THSD7B: variants seen among roughly 807,000 people sequenced by gnomAD.
THSD7B encodes the protein thrombospondin type 1 domain containing 7B, also known as thrombospondin type-1 domain-containing protein 7B.
Under a neutral mutation model 213.6 loss-of-function variants are expected in THSD7B, and 138 were observed. The ratio of observed to expected loss-of-function variants is 0.65; its 90% confidence interval spans 0.56 to 0.74. The LOEUF (loss-of-function observed/expected upper bound fraction) is 0.74. THSD7B is among the 30% of genes least tolerant of loss of function. THSD7B has a pLI of 0.00. For missense variants in THSD7B, 1,931 were observed against 1,991.5 expected, an observed-to-expected ratio of 0.97 and a Z score of 0.58; for synonymous variants, 742 against 687.0, an observed-to-expected ratio of 1.08 and a Z score of -1.25.
At chr2:137,328,118 T>C (rs532715814) in intron 12 of THSD7B, among the ~76,000 whole-genome samples, 1 of 152,358 alleles carries the variant, frequency 6.6e-6, no homozygotes, top group East Asian at 1.9e-4. Flanking sequence ...GCGTGAAATT[T>C]GACATCTTAT....
chr2:137,476,642 C>T (rs1272288237), intron 15 of THSD7B, among the ~76,000 whole-genome samples: 1 of 152,142 alleles, frequency 6.6e-6, no homozygotes, highest in Non-Finnish European at 1.5e-5. Context: ...TACATCTCAG[C>T]TCACTGCCAC....
rs557490583 is a variant in THSD7B, at chr2:137,244,147, C to T, written c.2266+1575C>T. Among the ~76,000 whole-genome samples the T allele has an allele frequency of 8.5e-4, 129 of 152,218 alleles. No individual in the cohort carries two copies. The South Asian group carries it at 0.017, about 20-fold the overall frequency. ...TGAAAGGCAGCATCTAGGAGGCTGA[C>T]TTTGGGAATTTTAATCATAATGTAC... is the stretch of plus-strand genomic sequence containing the variant. On this transcript the variant is annotated intron_variant, in intron 10 of 27. Coordinates refer to ENST00000409968, the MANE Select transcript of THSD7B (RefSeq NM_001316349.2).
chr2:136,838,914 G>A (rs1682880307), intron 1 of THSD7B, among the ~76,000 whole-genome samples: 1 of 152,146 alleles, frequency 6.6e-6, no homozygotes, highest in Non-Finnish European at 1.5e-5. Flanking sequence ...GGTTTCCTTA[G>A]TTTTCTTCAT....
intron 1 of THSD7B, among the ~76,000 whole-genome samples, chr2:136,851,522 G>A (rs999216071): frequency 6.6e-6 from 1 of 152,240 alleles, no homozygotes; most frequent in African/African-American, 2.4e-5. Context: ...AAATGAAATT[G>A]CTATCCAAAT....
At chr2:137,396,311 A>G (rs1417738730) in intron 12 of THSD7B, among the ~76,000 whole-genome samples, 1 of 132,236 alleles carries the variant, frequency 7.6e-6, no homozygotes, top group African/African-American at 2.7e-5. Flanking sequence ...AGTGCTACAA[A>G]TTTCCCTCTA....
chr2:137,628,639 A>AT (rs1476459846), intron 20 of THSD7B, among the ~76,000 whole-genome samples: 1 of 152,230 alleles, frequency 6.6e-6, no homozygotes, highest in East Asian at 1.9e-4. Context: ...TCCCACTGCC[A>AT]TAAGCACTAC....
At chr2:137,568,406 G>A (rs1371419231) in intron 16 of THSD7B, among the ~76,000 whole-genome samples, 7 of 151,982 alleles carry the variant, frequency 4.6e-5, no homozygotes, top group Admixed American at 4.6e-4. Flanking sequence ...CTTTACTCTC[G>A]GGCTTGTCAG....
At chr2:136,876,140 G>A (rs1683523628) in intron 1 of THSD7B, among the ~76,000 whole-genome samples, 1 of 151,776 alleles carries the variant, frequency 6.6e-6, no homozygotes, top group Non-Finnish European at 1.5e-5. Flanking sequence ...AACTGGTCCT[G>A]CTAGCTATTA....
intron 15 of THSD7B, among the ~76,000 whole-genome samples, chr2:137,529,184 C>G (rs1680335375): frequency 6.6e-6 from 1 of 151,910 alleles, no homozygotes; most frequent in Admixed American, 6.6e-5. Context: ...ACTGCCTCTC[C>G]TCTCCCACTT....
At chr2:137,648,993 T>C (rs1284063082) in intron 21 of THSD7B, among the ~76,000 whole-genome samples, 1 of 152,222 alleles carries the variant, frequency 6.6e-6, no homozygotes, top group Non-Finnish European at 1.5e-5. Flanking sequence ...TCATTATGCT[T>C]TTGATTTACA....
chr2:137,268,944 C>T (rs1443248106), intron 10 of THSD7B, among the ~76,000 whole-genome samples: 4 of 152,056 alleles, frequency 2.6e-5, no homozygotes, highest in African/African-American at 9.7e-5. Context: ...ATAGGTTTGG[C>T]CATAATTTGA....
chr2:137,085,425 A>C (rs1476238370), intron 3 of THSD7B, among the ~76,000 whole-genome samples: 1 of 152,162 alleles, frequency 6.6e-6, no homozygotes, highest in Non-Finnish European at 1.5e-5. Context: ...TAAAATAAAA[A>C]TATTTTATTA....
At chr2:137,077,449 A>G (rs559525506) in intron 3 of THSD7B, among the ~76,000 whole-genome samples, 1 of 152,278 alleles carries the variant, frequency 6.6e-6, no homozygotes, top group South Asian at 2.1e-4. Flanking sequence ...CCAACAGTGT[A>G]AGAGTGTTCC....
At chr2:137,397,810 GAC>G (rs1174459555) in intron 12 of THSD7B, among the ~76,000 whole-genome samples, 4 of 146,826 alleles carry the variant, frequency 2.7e-5, no homozygotes, top group Admixed American at 2.0e-4. Context: ...ACACCAATCA[GAC>G]GTAGATTTGG....
intron 2 of THSD7B, among the ~76,000 whole-genome samples, chr2:136,890,931 CCT>C (rs1683843601): frequency 6.6e-6 from 1 of 151,864 alleles, no homozygotes; most frequent in African/African-American, 2.4e-5. Flanking sequence ...AAAGGTTTGA[CCT>C]CTCTTACTGA....
At chr2:137,566,635 T>C (rs1289159806) in intron 16 of THSD7B, among the ~76,000 whole-genome samples, 1 of 152,130 alleles carries the variant, frequency 6.6e-6, no homozygotes, top group Non-Finnish European at 1.5e-5. Flanking sequence ...CATCTGGGCA[T>C]GCCCATCGGG....
rs572562488 is a variant in THSD7B at position 137,310,168 on chromosome 2, G to C, written c.2500+34142G>C. ...TTTCTCCACATCCTCTCCGGCACCTGTTTCCTGACTTTTTAATGATTGCCA... is the reference window on the plus strand; with the variant it reads ...TTTCTCCACATCCTCTCCGGCACCTCTTTCCTGACTTTTTAATGATTGCCA... On this transcript the variant is annotated intron_variant, in intron 12 of 27. Coordinates refer to ENST00000409968, the MANE Select transcript of THSD7B (RefSeq NM_001316349.2). Among the ~76,000 whole-genome samples, 4 of 152,192 alleles carry C rather than the reference G, an allele frequency of 2.6e-5. No individual in the cohort carries two copies. The East Asian group carries it at 7.7e-4, about 29-fold the overall frequency.
Position 136,838,922 on chromosome 2 carries a change from C to T in THSD7B, c.-35-43222C>T, listed in dbSNP as rs554483236. Among the ~76,000 whole-genome samples, 23 of 152,292 alleles carry T rather than the reference C, an allele frequency of 1.5e-4. 1 individual carries two copies. The South Asian group carries it at 4.6e-3, about 30-fold the overall frequency. ...GAGCATGGGTTTCCTTAGTTTTCTT[C>T]ATTCTCTCAGCTCCTGGAAAGCCGT... On this transcript the variant is annotated intron_variant, in intron 1 of 27. Coordinates refer to ENST00000409968, the MANE Select transcript of THSD7B (RefSeq NM_001316349.2).
chr2:137,211,331 TACACAC>T (rs1224147467), intron 7 of THSD7B, among the ~76,000 whole-genome samples: 14 of 6,270 alleles, frequency 2.2e-3, no homozygotes, highest in African/African-American at 4.4e-3. Context: ...CTATCCTTCC[TACACAC>T]ACACACACAC....
Sources: allele counts gnomAD v4.1 joint callset (sites outside exome capture counted in the v4.1 genomes callset), GRCh38; gene constraint gnomAD v4.1.1; transcripts MANE v1.5; gene names NCBI Gene and HGNC (gene_info 2026-07-23, HGNC 2026-07-21).